Variants in KSR2 observed in about 807,000 individuals in gnomAD.
The protein encoded by KSR2 is kinase suppressor of ras 2.
KSR2 carries 25 observed loss-of-function variants against 107.8 expected under a neutral mutation model. The ratio of observed to expected loss-of-function variants is 0.23; its 90% CI spans 0.17 to 0.32. The LOEUF is 0.32. KSR2 is among the 10% of genes least tolerant of loss of function. KSR2 has a pLI of 1.00. For synonymous variants in KSR2, 480 were observed against 507.0 expected, an observed-to-expected ratio of 0.95 and a Z score of 0.71; for missense variants, 887 against 1,268.9, an observed-to-expected ratio of 0.70 and a Z score of 4.57.
intron 1 of KSR2, among the ~76,000 whole-genome samples, chr12:117,866,344 C>A (rs1893469855): frequency 6.6e-6 from 1 of 152,200 alleles, no homozygotes; most frequent in Admixed American, 6.5e-5. Context: ...TGGGCCACTG[C>A]TCTCTTTATA....
chr12:117,859,711 CCTCCCAA>C (rs1406506143), intron 2 of KSR2, among the ~76,000 whole-genome samples: 1 of 152,108 alleles, frequency 6.6e-6, no homozygotes, highest in Admixed American at 6.6e-5. Context: ...TCTGCTTTGG[CCTCCCAA>C]AGTGCTGGGA....
chr12:117,870,448 A>G (rs1464706309), intron 1 of KSR2, among the ~76,000 whole-genome samples: 1 of 152,030 alleles, frequency 6.6e-6, no homozygotes, highest in Non-Finnish European at 1.5e-5. Flanking sequence ...TAAAAATACA[A>G]AATTAACCGG....
At chr12:117,811,913 C>T (rs886843184) in intron 3 of KSR2, among the ~76,000 whole-genome samples, 2 of 152,226 alleles carry the variant, frequency 1.3e-5, no homozygotes, top group African/African-American at 4.8e-5. Context: ...AAGTTCACAA[C>T]CTGCCTGCTG....
intron 16 of KSR2, among the ~76,000 whole-genome samples, chr12:117,479,266 T>C (rs1312454374): frequency 1.3e-5 from 2 of 152,192 alleles, no homozygotes; most frequent in Admixed American, 1.3e-4. Flanking sequence ...AACTCTTAAT[T>C]GCATTTGGAT....
chr12:117,743,000 A>C (rs1888279052), intron 4 of KSR2, among the ~76,000 whole-genome samples: 3 of 152,308 alleles, frequency 2.0e-5, no homozygotes, highest in Admixed American at 2.0e-4. Context: ...GGACCATCAC[A>C]TGTATCCATT....
In KSR2 at chr12:117,786,589, G is replaced by C. The variant is rs573403806; in HGVS notation, c.473-25065C>G. The stretch of plus-strand genomic sequence containing the variant: ...CCAGCACTTTGGGAGGCCGAGGCAG[G>C]CAGATCCCCTGAGCTCAGGAGTTTG... On this transcript the variant is annotated intron_variant, in intron 3 of 19. Transcript: ENST00000339824. Among the ~76,000 whole-genome samples, 11 of 152,270 alleles carry C rather than the reference G, an allele frequency of 7.2e-5. 1 individual carries two copies. The South Asian group carries it at 2.3e-3, about 32-fold the overall frequency.
chr12:117,670,999 T>C (rs1884884083), intron 4 of KSR2, among the ~76,000 whole-genome samples: 1 of 152,184 alleles, frequency 6.6e-6, no homozygotes, highest in African/African-American at 2.4e-5. Flanking sequence ...TGCTTTTCCA[T>C]CACATGCTGG....
At chr12:117,801,494 GGAT>G (rs1232840239) in intron 3 of KSR2, among the ~76,000 whole-genome samples, 2 of 152,076 alleles carry the variant, frequency 1.3e-5, no homozygotes, top group African/African-American at 2.4e-5. Flanking sequence ...TGTCCAGGAA[GGAT>G]GATGTTGGCT....
At chr12:117,694,339 T>G (rs572419414) in intron 4 of KSR2, among the ~76,000 whole-genome samples, 19 of 152,186 alleles carry the variant, frequency 1.2e-4, no homozygotes, top group East Asian at 9.6e-4. Context: ...GTTTTATAAA[T>G]GGTAGTTCCC....
intron 4 of KSR2, among the ~76,000 whole-genome samples, chr12:117,667,881 A>G (rs1884733869): frequency 6.6e-6 from 1 of 152,156 alleles, no homozygotes; most frequent in African/African-American, 2.4e-5. Flanking sequence ...ATGGAGCACA[A>G]GCAAACACTT....
intron 4 of KSR2, among the ~76,000 whole-genome samples, chr12:117,690,058 G>A (rs925070415): frequency 1.6e-4 from 24 of 151,870 alleles, no homozygotes; most frequent in Non-Finnish European, 3.2e-4. Context: ...AGGGAAGGAG[G>A]GAAGAAGACA....
chr12:117,800,857 T>C (rs778098255), intron 3 of KSR2, among the ~76,000 whole-genome samples: 4 of 152,152 alleles, frequency 2.6e-5, no homozygotes, highest in Non-Finnish European at 5.9e-5. Flanking sequence ...GGTGTTTGGT[T>C]TTCTGTTCCT....
chr12:117,655,647 C>T (rs1301373587), intron 5 of KSR2, among the ~76,000 whole-genome samples: 3 of 152,168 alleles, frequency 2.0e-5, no homozygotes, highest in African/African-American at 7.2e-5. Context: ...GTCTTAGTTC[C>T]AGAGGGAGGA....
At chr12:117,891,752 C>T (rs1417677914) in intron 1 of KSR2, among the ~76,000 whole-genome samples, 2 of 151,898 alleles carry the variant, frequency 1.3e-5, no homozygotes, top group African/African-American at 2.4e-5. Flanking sequence ...TTTGGGAGGC[C>T]GAGGAGAGAG....
intron 5 of KSR2, among the ~76,000 whole-genome samples, chr12:117,644,011 T>A (rs1346836665): frequency 1.3e-5 from 2 of 152,208 alleles, no homozygotes; most frequent in Non-Finnish European, 2.9e-5. Context: ...CTCTTTGGCC[T>A]TGTCCCCACA....
intron 1 of KSR2, among the ~76,000 whole-genome samples, chr12:117,921,179 GT>G (rs889178526): frequency 3.3e-5 from 5 of 152,056 alleles, no homozygotes; most frequent in Non-Finnish European, 7.4e-5. Flanking sequence ...TACCTCAAAG[GT>G]TATTAAAATA....
intron 4 of KSR2, among the ~76,000 whole-genome samples, chr12:117,756,163 G>T (rs1344113190): frequency 6.6e-6 from 1 of 152,208 alleles, no homozygotes; most frequent in African/African-American, 2.4e-5. Context: ...ATCTAGCTAT[G>T]ATCACTGATG....
intron 3 of KSR2, among the ~76,000 whole-genome samples, chr12:117,791,520 G>C (rs947382189): frequency 6.6e-6 from 1 of 152,166 alleles, no homozygotes; most frequent in Admixed American, 6.6e-5. Context: ...CTGAGTGAAT[G>C]AATGAATGGC....
chr12:117,694,365 C>CTG (rs1180489352), intron 4 of KSR2, among the ~76,000 whole-genome samples: 6 of 152,224 alleles, frequency 3.9e-5, no homozygotes, highest in Non-Finnish European at 8.8e-5. Flanking sequence ...CAAGCTCTCT[C>CTG]TTGCCTGCCA....
Sources: gnomAD v4.1 joint callset for allele counts (sites outside exome capture counted in the v4.1 genomes callset) on GRCh38, gnomAD v4.1.1 for gene constraint, MANE v1.5 for transcripts, NCBI Gene and HGNC (gene_info 2026-07-23, HGNC 2026-07-21) for gene names.